CCDC158: variants seen among roughly 807,000 people sequenced by gnomAD.
The protein encoded by CCDC158 is coiled-coil domain containing 158.
Under a neutral mutation model 138.6 loss-of-function variants are expected in CCDC158, and 116 were observed. That is an observed-to-expected ratio of 0.84 (90% CI 0.72 to 0.98). The LOEUF (loss-of-function observed/expected upper bound fraction) is 0.98. Ranked by LOEUF, CCDC158 falls within the 50% of genes least tolerant of loss-of-function variation. The probability of loss-of-function intolerance (pLI) is 0.00; values close to 1 mark genes in which losing one functional copy is unlikely to be tolerated. For missense variants in CCDC158, 1,265 were observed against 1,306.1 expected, an observed-to-expected ratio of 0.97 and a Z score of 0.48; for synonymous variants, 436 against 442.4, an observed-to-expected ratio of 0.99 and a Z score of 0.18.
At chr4:76,345,871 A>C (rs1364842877) in intron 18 of CCDC158, among the ~76,000 whole-genome samples, 1 of 152,210 alleles carries the variant, frequency 6.6e-6, no homozygotes, top group Non-Finnish European at 1.5e-5. Context: ...GACTTTCTTC[A>C]AAAAATTAGA....
intron 18 of CCDC158, among the ~76,000 whole-genome samples, chr4:76,338,860 A>G (rs370754711): frequency 1.6e-4 from 24 of 152,352 alleles, no homozygotes; most frequent in African/African-American, 5.0e-4. Context: ...ATGGATAAAA[A>G]CAATCATCAC....
intron 12 of CCDC158, among the ~76,000 whole-genome samples, chr4:76,363,001 G>C (rs984548594): frequency 2.6e-5 from 4 of 152,132 alleles, no homozygotes; most frequent in African/African-American, 4.8e-5. Context: ...TCCTCAAAAA[G>C]GCCGCTTACA....
At chr4:76,345,189 C>T in intron 18 of CCDC158, 1 of 973,516 alleles carries the variant, frequency 1.0e-6, no homozygotes, top group Non-Finnish European at 1.7e-6. Context: ...GGTTGCTGTG[C>T]TATTTGACAA....
At chr4:76,396,520 G>T in intron 3 of CCDC158, 34 bp from the exon 4 acceptor site, 2 of 1,527,274 alleles carry the variant, frequency 1.3e-6, no homozygotes, top group Non-Finnish European at 8.9e-7. Flanking sequence ...TTAACTTTTC[G>T]TTTTTTTTGA....
intron 1 of CCDC158, among the ~76,000 whole-genome samples, chr4:76,413,373 G>A (rs1729444371): frequency 1.3e-5 from 2 of 151,164 alleles, no homozygotes; most frequent in East Asian, 2.0e-4. Context: ...TCCTCAGGAG[G>A]CCGAGGTGGG....
intron 18 of CCDC158, among the ~76,000 whole-genome samples, chr4:76,346,686 G>C (rs1337424988): frequency 6.6e-6 from 1 of 152,142 alleles, no homozygotes; most frequent in Non-Finnish European, 1.5e-5. Flanking sequence ...CTCTAGACTG[G>C]TGACAGAACA....
At chr4:76,360,634 T>C (rs914649836) in intron 13 of CCDC158, among the ~76,000 whole-genome samples, 6 of 152,246 alleles carry the variant, frequency 3.9e-5, no homozygotes, top group Admixed American at 6.5e-5. Flanking sequence ...CCTGCTGGGT[T>C]TCAGACTTGC....
intron 10 of CCDC158, 64 bp downstream of exon 10, chr4:76,371,353 T>C: frequency 6.7e-7 from 1 of 1,494,094 alleles, no homozygotes; most frequent in Non-Finnish European, 9.2e-7. Context: ...ACGAGTTTTG[T>C]GATATATTTC....
At chr4:76,369,864 A>G (rs988482216) in intron 10 of CCDC158, among the ~76,000 whole-genome samples, 4 of 152,218 alleles carry the variant, frequency 2.6e-5, no homozygotes, top group Admixed American at 2.0e-4. Flanking sequence ...ATATACAATG[A>G]AAAGGAAAAT....
Position 76,357,440 on chromosome 4 carries a change from A to G in CCDC158, c.2107T>C (p.Ser703Pro). Reference sequence around the variant, plus strand: ...GTCTGTTCTAGTTCAGACTGTGCAGATTTTAATTGCATTTTCAACTTATTT... The same window carrying G: ...GTCTGTTCTAGTTCAGACTGTGCAGGTTTTAATTGCATTTTCAACTTATTT... ...TTNKLKMQLK[S>P]AQSELEQTRN... Residue 703 changes from serine (S) to proline (P), a missense_variant, in exon 14 of 25, where the codon TCT becomes CCT. Ser to Pro is a moderately conservative substitution (Grantham distance 74). Transcript: ENST00000682701. 6.2e-7 allele frequency: 1 copy of G among 1,605,434 alleles called. No homozygotes were observed. Among genetic ancestry groups the G allele is most frequent in the Non-Finnish European group, 8.5e-7 (1 of 1,175,940 alleles).
chr4:76,394,281 T>C (rs1215076879), intron 4 of CCDC158, among the ~76,000 whole-genome samples: 1 of 152,148 alleles, frequency 6.6e-6, no homozygotes, highest in African/African-American at 2.4e-5. Flanking sequence ...TTATAAACAG[T>C]GGAGTACTGT....
At position 76,385,208 on chromosome 4, in the gene CCDC158, A is replaced by G. The variant is rs1726674312; in HGVS notation, c.289-543T>C. Among the ~76,000 whole-genome samples the G allele has an allele frequency of 2.0e-5, 3 of 152,206 alleles. No homozygotes were observed. In the South Asian group the frequency reaches 6.2e-4, roughly 31 times the overall value. On this transcript the variant is annotated intron_variant, in intron 4 of 24. Coordinates refer to ENST00000682701, the MANE Select transcript of CCDC158 (RefSeq NM_001394954.1). ...AAAGCAAAGCCATCAAATTCTGCCC[A>G]TGAATAGAAAGTTTGCCATCAGATT...
intron 21 of CCDC158, among the ~76,000 whole-genome samples, chr4:76,330,803 C>A (rs1720939166): frequency 6.6e-6 from 1 of 152,166 alleles, no homozygotes. Context: ...GGGACTTGAG[C>A]ATCTGTAAAT....
chr4:76,380,273 T>G (rs942324658), intron 8 of CCDC158, among the ~76,000 whole-genome samples: 4 of 152,196 alleles, frequency 2.6e-5, no homozygotes, highest in Admixed American at 2.0e-4. Flanking sequence ...TGGAACTTCC[T>G]AGAGACTTGT....
chr4:76,341,146 A>G (rs549619063), intron 18 of CCDC158, among the ~76,000 whole-genome samples: 2 of 152,294 alleles, frequency 1.3e-5, no homozygotes, highest in African/African-American at 4.8e-5. Flanking sequence ...TCTTTAATGT[A>G]CTTCTATCTT....
At chr4:76,325,717 A>G (rs1720456837) in intron 23 of CCDC158, 140 bp downstream of exon 23, 1 of 574,496 alleles carries the variant, frequency 1.7e-6, no homozygotes, top group African/African-American at 1.9e-5. Context: ...TTTAAAAAAG[A>G]CCTGTTTAAA....
In CCDC158 at chr4:76,351,760, T is replaced by C; in HGVS notation, c.2498A>G (p.Glu833Gly). 1 of 1,613,542 alleles carries C rather than the reference T, an allele frequency of 6.2e-7. No individual in the cohort carries two copies. The highest frequency in any genetic ancestry group is 8.5e-7 in the Non-Finnish European group (1 of 1,179,584). Residue 833 changes from glutamate to glycine, a missense_variant, in exon 17 of 25, where the codon GAA (glutamate) becomes GGA (glycine). Coordinates refer to ENST00000682701, the MANE Select transcript of CCDC158 (RefSeq NM_001394954.1). ...GTGTTGAAGTTTTAAGCGCACTGAT[T>C]CTTGCTCCTGACGCTGTATTATATC... ...CQDIIQRQEQ[E>G]SVRLKLQHTL...
At chr4:76,379,504 A>G in intron 8 of CCDC158, 100 bp from the exon 9 acceptor site, 1 of 557,120 alleles carries the variant, frequency 1.8e-6, no homozygotes, top group East Asian at 3.2e-5. Flanking sequence ...TAGTTATTTT[A>G]TATGGCATTA....
intron 1 of CCDC158, among the ~76,000 whole-genome samples, chr4:76,418,989 C>T (rs551921082): frequency 2.1e-3 from 316 of 152,216 alleles, no homozygotes; most frequent in Non-Finnish European, 3.2e-3. Context: ...TTCTGCATTC[C>T]CTCTTTTCCC....
Sources: gnomAD v4.1 joint callset for allele counts (sites outside exome capture counted in the v4.1 genomes callset) on GRCh38, gnomAD v4.1.1 for gene constraint, MANE v1.5 for transcripts, NCBI Gene and HGNC (gene_info 2026-07-23, HGNC 2026-07-21) for gene names.